CRYM: variants seen among roughly 807,000 people sequenced by gnomAD.
CRYM encodes ketimine reductase mu-crystallin.
In CRYM, 18 loss-of-function variants were observed where a neutral mutation model predicts 32.9. The ratio of observed to expected loss-of-function variants is 0.55; its 90% CI spans 0.38 to 0.81. The LOEUF is 0.81. Ranked by LOEUF, CRYM falls within the 30% of genes least tolerant of loss-of-function variation. The probability of loss-of-function intolerance (pLI) is 0.00; values close to 1 mark genes in which losing one functional copy is unlikely to be tolerated. For missense variants in CRYM, 337 were observed against 393.5 expected (o/e 0.86, Z 1.21); for synonymous variants, 153 against 152.4 (o/e 1.00, Z -0.03).
chr16:21,276,157 C>G (rs576525863), intron 2 of CRYM, among the ~76,000 whole-genome samples: 2 of 152,172 alleles, frequency 1.3e-5, no homozygotes, highest in East Asian at 3.8e-4. Context: ...AATTATGCCT[C>G]GCTAGTAAAA....
Position 21,269,907 on chromosome 16 carries a change from G to A in CRYM, c.388-16C>T, listed in dbSNP as rs2093371729. 6.3e-7 allele frequency: 1 copy of A among 1,590,014 alleles called. No individual in the cohort carries two copies. Among genetic ancestry groups the A allele is most frequent in the Non-Finnish European group, 8.6e-7 (1 of 1,158,302 alleles). On this transcript the variant is annotated splice_polypyrimidine_tract_variant and intron_variant, in intron 3 of 7. Transcript: ENST00000572914. Reference sequence around the variant, plus strand: ...GTTTCAGAAACTATATGAGAGAAATGAAGTGGCAAAGGTCAAGGGAGACCC... The same window carrying A: ...GTTTCAGAAACTATATGAGAGAAATAAAGTGGCAAAGGTCAAGGGAGACCC...
upstream of CRYM, among the ~76,000 whole-genome samples, chr16:21,280,612 T>C (rs1284940381): frequency 6.6e-6 from 1 of 152,154 alleles, no homozygotes; most frequent in Non-Finnish European, 1.5e-5. Flanking sequence ...AACAGACTCT[T>C]TGTGGCAATA....
intron 3 of CRYM, among the ~76,000 whole-genome samples, chr16:21,271,086 C>T (rs1383613192): frequency 3.9e-5 from 6 of 152,180 alleles, no homozygotes; most frequent in Admixed American, 1.3e-4. Flanking sequence ...TTCTCAACCT[C>T]GGTACTACTA....
chr16:21,258,734 G>T lies in CRYM; in HGVS notation c.*47C>A. The T allele has an allele frequency of 1.3e-6, 2 of 1,503,622 alleles. No homozygotes were observed. The highest frequency in any genetic ancestry group is 1.4e-5 in the African/African-American group (1 of 72,874). 93.1% of individuals were successfully genotyped at this position (1,503,622 alleles called of 1,614,324 possible). Reference sequence around the variant, plus strand: ...TTTACTCTAGAAATTATGAGAACCAGCAGCAATATTCCTCAAGCATCCATC... The same window carrying T: ...TTTACTCTAGAAATTATGAGAACCATCAGCAATATTCCTCAAGCATCCATC... On this transcript the variant is annotated 3_prime_UTR_variant, in exon 8 of 8. Transcript: ENST00000572914.
rs2093353807 is a variant in CRYM, at chr16:21,261,264, G to A, written c.870C>T (p.Phe290=). Reference sequence around the variant, plus strand: ...AGCAATGGATCTTACCCAAAGACTTGAACACGGTGGTCTTCTCACAGTGGG... The same window carrying A: ...AGCAATGGATCTTACCCAAAGACTTAAACACGGTGGTCTTCTCACAGTGGG... ...KPAHCEKTTV[F]KSLGMAVEDT... The change falls in exon 7 of 8, where the codon TTC becomes TTT. Residue 290 remains phenylalanine, a synonymous_variant. Coordinates refer to ENST00000572914, the MANE Select transcript of CRYM (RefSeq NM_001376256.1). 6.2e-7 allele frequency: 1 copy of A among 1,613,366 alleles called. No homozygotes were observed. Among genetic ancestry groups the A allele is most frequent in the African/African-American group, 1.3e-5 (1 of 74,872 alleles).
upstream of CRYM, among the ~76,000 whole-genome samples, chr16:21,281,094 TTC>T (rs35907138): frequency 3.5e-5 from 5 of 143,544 alleles, no homozygotes; most frequent in African/African-American, 7.9e-5. Flanking sequence ...AACAGAGTGA[TTC>T]TCTCTCTCTC....
chr16:21,271,634 T>C (rs931600396), intron 3 of CRYM, among the ~76,000 whole-genome samples: 3 of 152,214 alleles, frequency 2.0e-5, no homozygotes, highest in Admixed American at 2.0e-4. Context: ...AGAAATCTTA[T>C]GTTGCTGTCT....
chr16:21,290,191 G>C (rs1413306675), intron 1 of CRYM, among the ~76,000 whole-genome samples: 2 of 152,112 alleles, frequency 1.3e-5, no homozygotes, highest in Admixed American at 6.5e-5. Flanking sequence ...TTTTTCTTTT[G>C]CTGTTCACAA....
intron 6 of CRYM, 52 bp from the exon 7 acceptor site, chr16:21,261,390 G>A: frequency 6.7e-7 from 1 of 1,487,976 alleles, no homozygotes; most frequent in Non-Finnish European, 9.4e-7. Flanking sequence ...TCTGTGCAGG[G>A]TTGGCTTTTG....
intron 1 of CRYM, among the ~76,000 whole-genome samples, chr16:21,292,821 A>G (rs1960694589): frequency 6.6e-6 from 1 of 152,118 alleles, no homozygotes; most frequent in South Asian, 2.1e-4. Context: ...GATTCAAAAG[A>G]ACTTTATTAT....
chr16:21,294,122 C>T (rs1960732293), intron 1 of CRYM, among the ~76,000 whole-genome samples: 1 of 152,100 alleles, frequency 6.6e-6, no homozygotes, highest in Non-Finnish European at 1.5e-5. Context: ...GGAAAACAAT[C>T]AAAAGTTTAT....
chr16:21,262,190 G>A, intron 5 of CRYM, 32 bp from the exon 6 acceptor site: 1 of 1,613,530 alleles, frequency 6.2e-7, no homozygotes. Context: ...CTTAAGCCCA[G>A]GATTAGTGCC....
intron 1 of CRYM, chr16:21,283,622 A>C (rs1283663635): frequency 6.6e-6 from 1 of 151,308 alleles, no homozygotes; most frequent in Non-Finnish European, 1.5e-5. Flanking sequence ...AGTATCTCGG[A>C]AGCCGGAGAA....
At chr16:21,260,580 G>A (rs576199110) in intron 7 of CRYM, among the ~76,000 whole-genome samples, 6 of 152,270 alleles carry the variant, frequency 3.9e-5, no homozygotes, top group South Asian at 4.1e-4. Context: ...GATTACAGGC[G>A]TGAGCCACCG....
chr16:21,278,319 A>C, upstream of CRYM: 2 of 1,527,116 alleles, frequency 1.3e-6, no homozygotes, highest in South Asian at 1.2e-5. Flanking sequence ...TGTGCCCTTT[A>C]TGAGCGCGCC....
At chr16:21,272,550 A>C (rs1350821404) in intron 3 of CRYM, among the ~76,000 whole-genome samples, 1 of 152,166 alleles carries the variant, frequency 6.6e-6, no homozygotes, top group East Asian at 1.9e-4. Context: ...TCTCAGCTCA[A>C]ATATCCCCTA....
At chr16:21,294,700 T>C (rs907198955) in intron 1 of CRYM, among the ~76,000 whole-genome samples, 2 of 151,604 alleles carry the variant, frequency 1.3e-5, no homozygotes, top group East Asian at 1.9e-4. Flanking sequence ...TTTTTTTTTT[T>C]TTTCTTTTTT....
intron 1 of CRYM, among the ~76,000 whole-genome samples, chr16:21,299,102 C>T (rs1469461435): frequency 6.6e-6 from 1 of 152,080 alleles, no homozygotes; most frequent in Non-Finnish European, 1.5e-5. Flanking sequence ...ACACGTGAGG[C>T]TATTCTTACT....
In CRYM at chr16:21,270,315, G is replaced by A. The variant is rs559151152; in HGVS notation, c.388-424C>T. On this transcript the variant is annotated intron_variant, in intron 3 of 7. Coordinates refer to ENST00000572914, the MANE Select transcript of CRYM (RefSeq NM_001376256.1). Reference sequence around the variant, plus strand: ...TTCTTTTTTTTTGAGATGGAGTCTCGCTCTGTCGCCTAGGCTGGAGTGCAG... The same window carrying A: ...TTCTTTTTTTTTGAGATGGAGTCTCACTCTGTCGCCTAGGCTGGAGTGCAG... 1.6e-3 allele frequency among the ~76,000 whole-genome samples: 246 copies of A among 150,998 alleles called. 3 individuals carry two copies. The highest frequency in any genetic ancestry group is 5.7e-3 in the African/African-American group (233 of 41,036).
Sources: gnomAD v4.1 joint callset for allele counts (sites outside exome capture counted in the v4.1 genomes callset) on GRCh38, gnomAD v4.1.1 for gene constraint, MANE v1.5 for transcripts, NCBI Gene and HGNC (gene_info 2026-07-23, HGNC 2026-07-21) for gene names.